ABCD3: variants seen among roughly 807,000 people sequenced by gnomAD.
ABCD3 encodes ATP-binding cassette sub-family D member 3.
ABCD3 carries 41 observed loss-of-function variants against 105.5 expected under a neutral mutation model. That is an observed-to-expected ratio of 0.39 (90% CI 0.30 to 0.50). The LOEUF is 0.50. ABCD3 is among the 20% of genes least tolerant of loss of function. ABCD3 has a pLI of 0.84. For synonymous variants in ABCD3, 258 were observed against 269.0 expected (o/e 0.96, Z 0.40); for missense variants, 622 against 806.3 (o/e 0.77, Z 2.77).
chr1:94,475,486 G>T, intron 6 of ABCD3, 128 bp from the exon 7 acceptor site: 1 of 970,380 alleles, frequency 1.0e-6, no homozygotes, highest in South Asian at 1.5e-5. Context: ...CAATCAATAG[G>T]ATCTCTTCTG....
chr1:94,386,741 C>T, the ABCD3 span, among the ~76,000 whole-genome samples: 1 of 152,168 alleles, frequency 6.6e-6, no homozygotes, highest in Non-Finnish European at 1.5e-5. Context: ...AAAAAACTCC[C>T]TGGTCAGAAG....
At chr1:94,396,469 T>C in the ABCD3 span, among the ~76,000 whole-genome samples, 1 of 152,184 alleles carries the variant, frequency 6.6e-6, no homozygotes, top group Non-Finnish European at 1.5e-5. Flanking sequence ...AACCTCGTTT[T>C]CTAGAATCCC....
At chr1:94,450,903 C>G (rs1647221706) in intron 1 of ABCD3, among the ~76,000 whole-genome samples, 2 of 152,288 alleles carry the variant, frequency 1.3e-5, no homozygotes, top group South Asian at 4.1e-4. Context: ...ATCGGTAATA[C>G]TTTATCATCC....
intron 1 of ABCD3, among the ~76,000 whole-genome samples, chr1:94,440,850 G>GTT (rs756284220): frequency 1.8e-4 from 28 of 152,248 alleles, no homozygotes; most frequent in Non-Finnish European, 3.8e-4. Context: ...TGGAGGATGG[G>GTT]TTCAAGGAGC....
At chr1:94,423,031 G>A (rs1255624638) in intron 1 of ABCD3, among the ~76,000 whole-genome samples, 1 of 152,128 alleles carries the variant, frequency 6.6e-6, no homozygotes, top group African/African-American at 2.4e-5. Context: ...GCCTGCCAAT[G>A]GGTACTCTCT....
chr1:94,449,395 T>C (rs1294177522), intron 1 of ABCD3, among the ~76,000 whole-genome samples: 1 of 152,188 alleles, frequency 6.6e-6, no homozygotes, highest in Non-Finnish European at 1.5e-5. Flanking sequence ...GTACCTATGA[T>C]AGCAGTGATT....
At chr1:94,401,807 C>G in the ABCD3 span, among the ~76,000 whole-genome samples, 1 of 152,156 alleles carries the variant, frequency 6.6e-6, no homozygotes, top group South Asian at 2.1e-4. Flanking sequence ...TGATTCATTT[C>G]TTTGGGATTA....
intron 12 of ABCD3, 27 bp downstream of exon 12, chr1:94,487,818 T>G: frequency 6.2e-7 from 1 of 1,612,190 alleles, no homozygotes; most frequent in South Asian, 1.1e-5. Flanking sequence ...ACAATGAAAA[T>G]GTAACAGTAA....
Position 94,487,545 on chromosome 1 carries a change from G to C in ABCD3, c.901G>C (p.Glu301Gln). The C allele has an allele frequency of 6.2e-7, 1 of 1,613,338 alleles. No homozygotes were observed. Among genetic ancestry groups the C allele is most frequent in the Non-Finnish European group, 8.5e-7 (1 of 1,179,790 alleles). ...TTTTGTTTTTGTTTTCTGCCAGGTG[G>C]AACACCTACATAATTTCATTTTGTT... is the stretch of plus-strand genomic sequence containing the variant. ...TVHSVFRKLV[E>Q]HLHNFILFRF... Residue 301 changes from glutamate to glutamine, a missense_variant, in exon 11 of 23, where the codon GAA becomes CAA. Glu to Gln is a conservative substitution (Grantham distance 29, BLOSUM62 2). Around this residue, in one of 4 missense-constraint regions of ABCD3, gnomAD observed 245 missense variants for 356.4 expected, o/e 0.69. Transcript: ENST00000370214.
intron 2 of ABCD3, among the ~76,000 whole-genome samples, chr1:94,462,023 C>T (rs1329055137): frequency 6.6e-6 from 1 of 152,182 alleles, no homozygotes; most frequent in East Asian, 1.9e-4. Flanking sequence ...CGGTGATTGA[C>T]GTATCAATAG....
chr1:94,507,376 A>T (rs1464040396), intron 21 of ABCD3, among the ~76,000 whole-genome samples: 3 of 152,078 alleles, frequency 2.0e-5, no homozygotes, highest in Admixed American at 6.6e-5. Flanking sequence ...ACATTTTCTT[A>T]ATCCAGTCTA....
In ABCD3 at chr1:94,449,236, G is replaced by A. The variant is rs149725101; in HGVS notation, c.111-9371G>A. Among the ~76,000 whole-genome samples, 12 of 152,290 alleles carry A rather than the reference G, an allele frequency of 7.9e-5. No homozygotes were observed. In the South Asian group the frequency reaches 8.3e-4, roughly 11 times the overall value. ...AGGACCCCGTAGTTGCAGCCATGTCGAGATTGACACTGAGGAGGATCCCAA... is the reference window on the plus strand; with the variant it reads ...AGGACCCCGTAGTTGCAGCCATGTCAAGATTGACACTGAGGAGGATCCCAA... On this transcript the variant is annotated intron_variant, in intron 1 of 22. Transcript: ENST00000370214.
At chr1:94,507,862 T>C (rs1415429045) in intron 21 of ABCD3, among the ~76,000 whole-genome samples, 2 of 146,176 alleles carry the variant, frequency 1.4e-5, no homozygotes, top group African/African-American at 5.1e-5. Flanking sequence ...TGTAAATTTG[T>C]TTGAGTTCAT....
chr1:94,428,390 T>A (rs981076172), intron 1 of ABCD3, among the ~76,000 whole-genome samples: 22 of 152,222 alleles, frequency 1.4e-4, no homozygotes, highest in African/African-American at 5.3e-4. Context: ...TAAAAAGCAC[T>A]GTGTAGAATG....
chr1:94,489,087 C>G (rs1444302696), intron 13 of ABCD3, among the ~76,000 whole-genome samples: 2 of 152,018 alleles, frequency 1.3e-5, no homozygotes, highest in African/African-American at 4.8e-5. Flanking sequence ...AGAGAAAAAT[C>G]CTGTTTTCTT....
chr1:94,480,448 C>G lies in ABCD3; in HGVS notation c.685-16C>G, dbSNP rs1198175388. 3 of 1,613,476 alleles carry G rather than the reference C, an allele frequency of 1.9e-6. No individual in the cohort carries two copies. Among genetic ancestry groups the G allele is most frequent in the Non-Finnish European group, 2.5e-6 (3 of 1,179,658 alleles). ...ATCCCAGAACTTTGTGTATCTTTCT[C>G]TCCCAATAATAATAGGGCCCAGCGA... On this transcript the variant is annotated splice_polypyrimidine_tract_variant and intron_variant, in intron 8 of 22. Coordinates refer to ENST00000370214, the MANE Select transcript of ABCD3 (RefSeq NM_002858.4).
At chr1:94,507,543 C>G (rs1315000665) in intron 21 of ABCD3, among the ~76,000 whole-genome samples, 1 of 151,846 alleles carries the variant, frequency 6.6e-6, no homozygotes, top group African/African-American at 2.4e-5. Flanking sequence ...ATTTCTAGTT[C>G]TAGATCCCTG....
intron 1 of ABCD3, among the ~76,000 whole-genome samples, chr1:94,448,040 A>T (rs541039683): frequency 2.6e-5 from 4 of 152,204 alleles, no homozygotes; most frequent in African/African-American, 9.6e-5. Flanking sequence ...TCAAATAAAT[A>T]GAATAGATCC....
At chr1:94,465,218 C>T (rs915501454) in intron 3 of ABCD3, among the ~76,000 whole-genome samples, 1 of 152,166 alleles carries the variant, frequency 6.6e-6, no homozygotes, top group Non-Finnish European at 1.5e-5. Flanking sequence ...CACCTCCCAC[C>T]AGGCCCCACC....
Sources: gnomAD v4.1 joint callset for allele counts (sites outside exome capture counted in the v4.1 genomes callset) on GRCh38, gnomAD v4.1.1 for gene constraint, gnomAD v4.1.1 regional missense constraint, MANE v1.5 for transcripts, NCBI Gene and HGNC (gene_info 2026-07-23, HGNC 2026-07-21) for gene names.